Variants in CDRT4 observed in about 807,000 individuals in gnomAD.
CDRT4 encodes CMT1A duplicated region transcript 4 protein.
For synonymous variants in CDRT4, 64 were observed against 69.6 expected, an observed-to-expected ratio of 0.92 and a Z score of 0.40; for missense variants, 167 against 193.1, an observed-to-expected ratio of 0.87 and a Z score of 0.80.
intron 1 of CDRT4, among the ~76,000 whole-genome samples, chr17:15,466,534 T>G (rs1399161195): frequency 6.6e-6 from 1 of 152,178 alleles, no homozygotes; most frequent in Non-Finnish European, 1.5e-5. Flanking sequence ...TTTTTTTAAT[T>G]TTTACTTTTA....
intron 1 of CDRT4, among the ~76,000 whole-genome samples, chr17:15,460,924 G>C (rs1183160529): frequency 6.7e-6 from 1 of 149,188 alleles, no homozygotes; most frequent in African/African-American, 2.5e-5. Context: ...GTGTCCTCCT[G>C]TCAGTCCTCA....
intron 1 of CDRT4, among the ~76,000 whole-genome samples, chr17:15,453,387 A>G (rs528069725): frequency 2.6e-4 from 40 of 152,358 alleles, no homozygotes; most frequent in Admixed American, 7.8e-4. Context: ...ATGCCAGGAA[A>G]TCCTGAAGTT....
rs947975396 is a variant in CDRT4, at chr17:15,450,571, C to G, written c.-48+2433G>C. Among the ~76,000 whole-genome samples the G allele has an allele frequency of 1.4e-5, 2 of 145,612 alleles. No homozygotes were observed. Among genetic ancestry groups the G allele is most frequent in the Admixed American group, 1.4e-4 (2 of 14,564 alleles). Reference sequence around the variant, plus strand: ...GTCTCCATTGAGGATTTCTAGTTCCCTTCTTTTTTTTTTTTTATTTCCACA... The same window carrying G: ...GTCTCCATTGAGGATTTCTAGTTCCGTTCTTTTTTTTTTTTTATTTCCACA... On this transcript the variant is annotated intron_variant, in intron 2 of 3. Coordinates refer to ENST00000619038, the MANE Select transcript of CDRT4 (RefSeq NM_001204477.2). The surrounding 1 kb of genome is among the most constrained non-coding windows in gnomAD (Gnocchi z 4.2).
At chr17:15,440,131 C>T in intron 3 of CDRT4, 77 bp downstream of exon 3, 1 of 1,435,742 alleles carries the variant, frequency 7.0e-7, no homozygotes, top group Non-Finnish European at 9.4e-7. Context: ...CGCCCAGTGG[C>T]CTCTTCCCAC....
At chr17:15,443,770 G>A (rs1465815343) in intron 2 of CDRT4, 10 of 506,880 alleles carry the variant, frequency 2.0e-5, no homozygotes, top group East Asian at 1.5e-4. Context: ...CAGTCTTCTC[G>A]GACAGAAAAC....
At chr17:15,462,506 G>A (rs1335740354) in intron 1 of CDRT4, among the ~76,000 whole-genome samples, 1 of 151,688 alleles carries the variant, frequency 6.6e-6, no homozygotes, top group Non-Finnish European at 1.5e-5. Flanking sequence ...TTGGGGCTGG[G>A]TCCTATGGGG....
intron 2 of CDRT4, among the ~76,000 whole-genome samples, chr17:15,451,227 C>T (rs1006559646): frequency 1.3e-5 from 2 of 152,154 alleles, no homozygotes; most frequent in African/African-American, 4.8e-5. Context: ...TGCTGTCTTG[C>T]CTGCTGCCAT....
chr17:15,443,446 A>AT (rs34178494), intron 2 of CDRT4, among the ~76,000 whole-genome samples: 20,119 of 125,228 alleles, frequency 0.16, 2,809 homozygotes, highest in East Asian at 0.47. Flanking sequence ...TAGCTGGATA[A>AT]TTTTTTTTTT....
chr17:15,458,199 G>A (rs978771225), intron 1 of CDRT4, among the ~76,000 whole-genome samples: 3 of 152,184 alleles, frequency 2.0e-5, no homozygotes, highest in Non-Finnish European at 4.4e-5. Context: ...GTCCCACCCT[G>A]TTTCCTCTGG....
intron 2 of CDRT4, among the ~76,000 whole-genome samples, chr17:15,441,787 C>T (rs28496894): frequency 6.6e-6 from 1 of 152,222 alleles, no homozygotes; most frequent in Admixed American, 6.5e-5. Flanking sequence ...ACAGATCTTA[C>T]AGAGTCCCTG....
chr17:15,461,394 C>A (rs899111019), intron 1 of CDRT4, among the ~76,000 whole-genome samples: 5 of 152,166 alleles, frequency 3.3e-5, no homozygotes, highest in Admixed American at 3.3e-4. Context: ...CCTCACCCAG[C>A]CTAGGAATGC....
intron 2 of CDRT4, among the ~76,000 whole-genome samples, chr17:15,446,548 C>T (rs945376118): frequency 2.6e-5 from 4 of 152,112 alleles, no homozygotes; most frequent in African/African-American, 7.2e-5. Context: ...TCCTCTCTAG[C>T]GCCTCTCCCC....
chr17:15,463,077 C>T (rs1979830058), intron 1 of CDRT4, among the ~76,000 whole-genome samples: 1 of 151,918 alleles, frequency 6.6e-6, no homozygotes, highest in Admixed American at 6.6e-5. Context: ...TGAAGATTGT[C>T]GAGATGACTG....
At chr17:15,459,495 A>G (rs1261902041) in intron 1 of CDRT4, among the ~76,000 whole-genome samples, 1 of 124,552 alleles carries the variant, frequency 8.0e-6, no homozygotes, top group African/African-American at 3.2e-5. Flanking sequence ...CCTAGGCTGG[A>G]GTGCAGTGGC....
intron 2 of CDRT4, among the ~76,000 whole-genome samples, chr17:15,445,294 T>C (rs965047184): frequency 3.9e-5 from 6 of 152,174 alleles, no homozygotes; most frequent in African/African-American, 1.2e-4. Flanking sequence ...TATAAAGCCA[T>C]ACAGATTGTT....
At chr17:15,462,427 CAAAAAAAA>C (rs55662712) in intron 1 of CDRT4, among the ~76,000 whole-genome samples, 37 of 59,888 alleles carry the variant, frequency 6.2e-4, no homozygotes, top group Non-Finnish European at 9.7e-4. Context: ...GACTCCATCT[CAAAAAAAA>C]AAAAAAAAAA....
At chr17:15,465,502 GAC>G (rs1225588228) in intron 1 of CDRT4, among the ~76,000 whole-genome samples, 4 of 143,962 alleles carry the variant, frequency 2.8e-5, no homozygotes, top group Non-Finnish European at 6.0e-5. Flanking sequence ...TACAAACACA[GAC>G]ACACACAACA....
intron 1 of CDRT4, 51 bp downstream of exon 1, chr17:15,467,409 C>A (rs1381955177): frequency 2.0e-5 from 3 of 152,158 alleles, no homozygotes; most frequent in African/African-American, 7.3e-5. Context: ...TTCACTTTCA[C>A]CCTCGACTTC....
intron 2 of CDRT4, among the ~76,000 whole-genome samples, chr17:15,452,233 G>A (rs1979294257): frequency 6.6e-6 from 1 of 152,198 alleles, no homozygotes; most frequent in Non-Finnish European, 1.5e-5. Flanking sequence ...CAAATCCCTT[G>A]CCCTATCTCT....
Sources: allele counts gnomAD v4.1 joint callset (sites outside exome capture counted in the v4.1 genomes callset), GRCh38; gene constraint gnomAD v4.1.1; non-coding constraint Gnocchi (gnomAD v3.1); transcripts MANE v1.5; gene names NCBI Gene and HGNC (gene_info 2026-07-23, HGNC 2026-07-21).